Variants in MED16 observed in about 807,000 individuals in gnomAD.
MED16 encodes the protein mediator of RNA polymerase II transcription subunit 16.
A neutral mutation model predicts 84.4 loss-of-function variants in MED16; 81 were observed. That is an observed-to-expected ratio of 0.96 (90% confidence interval 0.80 to 1.15). The LOEUF (loss-of-function observed/expected upper bound fraction) is 1.15. Among genes scored for constraint, MED16 ranks in the 50% most tolerant of loss-of-function variants. MED16 has a pLI of 0.00. For synonymous variants in MED16, 897 were observed against 552.2 expected (o/e 1.62, Z -8.76); for missense variants, 1,585 against 1,245.9 (o/e 1.27, Z -4.10).
rs1011170078 is a variant in MED16 at position 871,100 on chromosome 19, T to C, written c.2252A>G (p.Gln751Arg). 3 of 1,548,510 alleles carry C rather than the reference T, an allele frequency of 1.9e-6. No homozygotes were observed. The highest frequency in any genetic ancestry group is 1.2e-5 in the South Asian group (1 of 84,002). The change falls in exon 13 of 16, where the codon CAG (glutamine) becomes CGG (arginine). Residue 751 changes from glutamine to arginine, a missense_variant. Physicochemically the swap from Gln to Arg is conservative, Grantham distance 43 (BLOSUM62 1). Coordinates refer to ENST00000325464, the MANE Select transcript of MED16 (RefSeq NM_005481.3). ...AGGCAGCGTGGGCGCCCGGCCAAAC[T>C]GCAGACGAAGGGGCTGCTTGGGCTG... ...RLQPKQPLRL[Q>R]FGRAPTLPGS...
At position 885,899 on chromosome 19, in the gene MED16, G is replaced by A. The variant is rs749422186; in HGVS notation, c.750C>T (p.Ser250=). ...TCTCCGTGTCGATACGGCACTTCTC[G>A]CTCACCACGCTCACGCACACCTTGT... ...QFYKVCVSVV[S]EKCRIDTEIL... is the part of the protein sequence containing the mutation. Residue 250 remains serine (S), a synonymous_variant, in exon 5 of 16, where the codon AGC becomes AGT. Transcript: ENST00000325464. 3.5e-5 allele frequency: 57 copies of A among 1,613,478 alleles called. No individual in the cohort carries two copies. The Middle Eastern group carries it at 6.6e-4, about 19-fold the overall frequency.
intron 2 of MED16, among the ~76,000 whole-genome samples, chr19:890,715 G>A (rs753225502): frequency 1.8e-4 from 28 of 152,258 alleles, no homozygotes; most frequent in Non-Finnish European, 3.4e-4. Context: ...GTCAACCAAC[G>A]CTCCAGCCCG....
intron 13 of MED16, among the ~76,000 whole-genome samples, chr19:870,573 A>G (rs576230329): frequency 4.6e-5 from 7 of 151,662 alleles, no homozygotes; most frequent in Non-Finnish European, 7.4e-5. Context: ...AGACAAAAAA[A>G]AAAAAAAAAA....
intron 12 of MED16, chr19:871,574 C>T: frequency 1.9e-6 from 3 of 1,595,048 alleles, no homozygotes; most frequent in Non-Finnish European, 2.5e-6. Context: ...CACATACACA[C>T]AACCCGACAA....
intron 12 of MED16, chr19:871,693 C>T: frequency 5.6e-6 from 8 of 1,424,902 alleles, no homozygotes; most frequent in South Asian, 1.1e-5. Flanking sequence ...AAGGCAGAGC[C>T]ACTGCCACCT....
At chr19:874,920 T>C (rs2036192751) in intron 10 of MED16, among the ~76,000 whole-genome samples, 1 of 151,754 alleles carries the variant, frequency 6.6e-6, no homozygotes. Flanking sequence ...CCCAGCACTT[T>C]AGGAGGCCGA....
chr19:875,347 G>A lies in MED16; in HGVS notation c.1668C>T (p.Ile556=), dbSNP rs2036205500. ...DYHTKLFLIA[I]SSTLKSLLRP... is the part of the protein sequence containing the mutation. ...GCAGCAGCGACTTCAGGGTGGAGCT[G>A]ATGGCGATGAGGAAGAGCTTGGTGT... Residue 556 remains isoleucine (I), a synonymous_variant, in exon 10 of 16, where the codon ATC becomes ATT. Transcript: ENST00000325464. 3.7e-6 allele frequency: 6 copies of A among 1,610,382 alleles called. No homozygotes were observed. The highest frequency in any genetic ancestry group is 5.1e-6 in the Non-Finnish European group (6 of 1,179,836).
intron 4 of MED16, among the ~76,000 whole-genome samples, chr19:887,941 G>A (rs139270233): frequency 1.9e-4 from 29 of 152,154 alleles, no homozygotes; most frequent in African/African-American, 6.7e-4. Context: ...AGTGACTCAC[G>A]CCTGTCATCC....
chr19:890,937 G>C (rs778154491), intron 2 of MED16, 26 bp downstream of exon 2: 1 of 1,607,070 alleles, frequency 6.2e-7, no homozygotes, highest in Non-Finnish European at 8.5e-7. Context: ...CGGCCGGGAG[G>C]GGAAGCAGGT....
At chr19:868,304 G>T in intron 15 of MED16, 53 bp from the exon 16 acceptor site, 1 of 1,587,720 alleles carries the variant, frequency 6.3e-7, no homozygotes. Context: ...GGCGAGCGGT[G>T]GCTCTTGCAG....
intron 1 of MED16, chr19:892,608 C>T (rs947262269): frequency 6.6e-6 from 1 of 152,002 alleles, no homozygotes; most frequent in Non-Finnish European, 1.5e-5. Context: ...CTCTCCAGAC[C>T]CCTATAACTC....
chr19:875,928 G>A (rs1367774438), intron 9 of MED16, among the ~76,000 whole-genome samples: 9 of 152,292 alleles, frequency 5.9e-5, no homozygotes, highest in South Asian at 2.1e-4. Flanking sequence ...CCTGTGCAAC[G>A]TAGGACACCC....
At position 870,112 on chromosome 19, in the gene MED16, G is replaced by A. The variant is rs192104639; in HGVS notation, c.2315+925C>T. Among the ~76,000 whole-genome samples, 203 of 152,314 alleles carry A rather than the reference G, an allele frequency of 1.3e-3. 2 individuals are homozygous for A. Among genetic ancestry groups the A allele is most frequent in the African/African-American group, 4.3e-3 (178 of 41,574 alleles). Reference sequence around the variant, plus strand: ...GCCCCCGGGAGATCCTCCTGATGAGGTGTCTGCTCAGCAGGGCCCTGGGCC... The same window carrying A: ...GCCCCCGGGAGATCCTCCTGATGAGATGTCTGCTCAGCAGGGCCCTGGGCC... On this transcript the variant is annotated intron_variant, in intron 13 of 15. Coordinates refer to ENST00000325464, the MANE Select transcript of MED16 (RefSeq NM_005481.3).
At chr19:883,589 T>C (rs537003626) in intron 6 of MED16, among the ~76,000 whole-genome samples, 32 of 152,038 alleles carry the variant, frequency 2.1e-4, no homozygotes, top group Non-Finnish European at 2.5e-4. Flanking sequence ...CTGTGGCATG[T>C]GTGTGAGACG....
At chr19:868,370 G>GGCTCAGGGGTAGCTGA in intron 15 of MED16, 46 bp downstream of exon 15, 2 of 1,575,114 alleles carry the variant, frequency 1.3e-6, no homozygotes, top group Non-Finnish European at 1.7e-6. Flanking sequence ...GGGGCAGCTG[G>GGCTCAGGGGTAGCTGA]GCTCAGGGGT....
rs545751245 is a variant in MED16, at chr19:875,585, C to A, written c.1561-131G>T. 1.9e-5 allele frequency: 13 copies of A among 681,704 alleles called. No homozygotes were observed. The African/African-American group carries it at 2.2e-4, about 11-fold the overall frequency. 42.2% of individuals were successfully genotyped at this position (681,704 alleles called of 1,614,324 possible). Reference sequence around the variant, plus strand: ...AGCTGGGCAAGCTGCTTCGCCTCTGCACCTCAGCAACCTCATGGCAAAACA... The same window carrying A: ...AGCTGGGCAAGCTGCTTCGCCTCTGAACCTCAGCAACCTCATGGCAAAACA... On this transcript the variant is annotated intron_variant, in intron 9 of 15. Transcript: ENST00000325464.
chr19:882,193 G>A (rs1599336344), intron 6 of MED16, among the ~76,000 whole-genome samples: 1 of 152,242 alleles, frequency 6.6e-6, no homozygotes, highest in South Asian at 2.1e-4. Flanking sequence ...AGACTTCTGG[G>A]AATCTCAGGC....
At chr19:877,320 G>A (rs998820342) in intron 8 of MED16, 140 bp from the exon 9 acceptor site, 3 of 761,730 alleles carry the variant, frequency 3.9e-6, no homozygotes, top group African/African-American at 3.5e-5. Flanking sequence ...GTGCGCGCAT[G>A]TGTCTGTAGC....
chr19:868,235 C>A lies in MED16; in HGVS notation c.2500G>T (p.Gly834Trp). ...IKNCLAVEGR[G>W]PDACVTSRAS... Reference sequence around the variant, plus strand: ...CTGCTGGTCACGCAGGCGTCCGGCCCACGGCCTTCAACAGCCCTGCAGGGC... The same window carrying A: ...CTGCTGGTCACGCAGGCGTCCGGCCAACGGCCTTCAACAGCCCTGCAGGGC... Residue 834 changes from glycine (G) to tryptophan (W), a missense_variant, in exon 16 of 16, where the codon GGG becomes TGG. Coordinates refer to ENST00000325464, the MANE Select transcript of MED16 (RefSeq NM_005481.3). The A allele has an allele frequency of 6.3e-7, 1 of 1,597,062 alleles. No homozygotes were observed. The highest frequency in any genetic ancestry group is 2.3e-5 in the East Asian group (1 of 44,132).
Sources: allele counts gnomAD v4.1 joint callset (sites outside exome capture counted in the v4.1 genomes callset), GRCh38; gene constraint gnomAD v4.1.1; transcripts MANE v1.5; gene names NCBI Gene and HGNC (gene_info 2026-07-23, HGNC 2026-07-21).